Variants in ROBO2 observed in about 807,000 individuals in gnomAD.
ROBO2 encodes the protein roundabout guidance receptor 2.
Under a neutral mutation model 160.8 loss-of-function variants are expected in ROBO2, and 53 were observed. The ratio of observed to expected loss-of-function variants is 0.33; its 90% CI spans 0.26 to 0.41. The LOEUF is 0.41. Among genes scored for constraint, ROBO2 ranks in the 10% least tolerant of loss-of-function variants. ROBO2 has a pLI of 1.00. For synonymous variants in ROBO2, 664 were observed against 611.7 expected, an observed-to-expected ratio of 1.09 and a Z score of -1.26; for missense variants, 1,577 against 1,722.4, an observed-to-expected ratio of 0.92 and a Z score of 1.49.
chr3:77,597,883 C>A (rs146677926), intron 19 of ROBO2, among the ~76,000 whole-genome samples: 1 of 152,040 alleles, frequency 6.6e-6, no homozygotes, highest in Non-Finnish European at 1.5e-5. Flanking sequence ...ACCTTTTAAG[C>A]CACATAGAGA....
chr3:76,123,261 G>A (rs570086713), intron 2 of ROBO2, among the ~76,000 whole-genome samples: 2 of 152,072 alleles, frequency 1.3e-5, no homozygotes, highest in Non-Finnish European at 2.9e-5. Context: ...CATTTTCCGT[G>A]TATTTTTCCC....
chr3:75,993,287 G>A (rs1467143207), intron 2 of ROBO2, among the ~76,000 whole-genome samples: 3 of 152,094 alleles, frequency 2.0e-5, no homozygotes, highest in African/African-American at 4.8e-5. Flanking sequence ...GAATCATGGG[G>A]GTGGATCTTT....
intron 2 of ROBO2, among the ~76,000 whole-genome samples, chr3:76,304,255 G>C (rs562649183): frequency 1.3e-5 from 2 of 152,328 alleles, no homozygotes; most frequent in African/African-American, 4.8e-5. Flanking sequence ...GAGCTAGAAA[G>C]GATGTATACG....
intron 2 of ROBO2, among the ~76,000 whole-genome samples, chr3:77,296,387 A>C (rs1433517807): frequency 1.3e-5 from 2 of 152,174 alleles, no homozygotes; most frequent in East Asian, 3.9e-4. Context: ...CACTGAGGCT[A>C]GATCACCAAA....
intron 2 of ROBO2, among the ~76,000 whole-genome samples, chr3:77,267,733 A>G (rs542266970): frequency 1.8e-4 from 27 of 152,240 alleles, no homozygotes; most frequent in Non-Finnish European, 3.4e-4. Flanking sequence ...AGTGCATGCA[A>G]TTTGTGAGGG....
At chr3:77,098,102 G>A (rs755914827) in exon 2 of ROBO2, 2 of 1,613,824 alleles carry the variant, frequency 1.2e-6, no homozygotes, top group South Asian at 2.2e-5. Context: ...CCACGACTCT[G>A]AACTGCAAGG....
chr3:76,536,015 T>G (rs2082478404), intron 2 of ROBO2, among the ~76,000 whole-genome samples: 1 of 152,126 alleles, frequency 6.6e-6, no homozygotes, highest in Non-Finnish European at 1.5e-5. Flanking sequence ...GGTGGTCTGA[T>G]TTCCAGTGGG....
rs57475227 is a variant in ROBO2, at chr3:77,433,486, G to GTATATATATATATA, written c.389-43908_389-43895dup. ...GATTTTCCTTCTTCTCTGGCAACTT[G>GTATATATATATATA]TATATATATATATATATATATATAT... is the stretch of plus-strand genomic sequence containing the variant. On this transcript the variant is annotated intron_variant, in intron 2 of 25. Transcript: ENST00000461745. Among the ~76,000 whole-genome samples the GTATATATATATATA allele has an allele frequency of 9.0e-4, 89 of 99,394 alleles. 1 individual carries two copies. The highest frequency in any genetic ancestry group is 2.6e-3 in the African/African-American group (73 of 28,360). The allele number at this position is 99,394 out of a possible 152,430, so 65.2% of individuals were successfully genotyped here.
chr3:76,628,359 G>T (rs944102937), intron 2 of ROBO2, among the ~76,000 whole-genome samples: 8 of 151,468 alleles, frequency 5.3e-5, no homozygotes, highest in African/African-American at 1.7e-4. Flanking sequence ...CAAACTCCTA[G>T]GCTCAAGTGA....
intron 2 of ROBO2, among the ~76,000 whole-genome samples, chr3:76,938,749 C>A (rs985193358): frequency 1.3e-5 from 2 of 151,998 alleles, no homozygotes; most frequent in African/African-American, 2.4e-5. Flanking sequence ...GCGGGTGGAT[C>A]CCCTGAGGTC....
At chr3:76,649,052 C>G (rs1449534842) in intron 2 of ROBO2, among the ~76,000 whole-genome samples, 1 of 151,916 alleles carries the variant, frequency 6.6e-6, no homozygotes, top group East Asian at 1.9e-4. Flanking sequence ...CAGATATTGA[C>G]TTGATTTCAA....
chr3:76,830,975 G>A (rs1311800390), intron 2 of ROBO2, among the ~76,000 whole-genome samples: 1 of 152,028 alleles, frequency 6.6e-6, no homozygotes, highest in Non-Finnish European at 1.5e-5. Context: ...GGTGCACAGT[G>A]AGACCCTGTT....
intron 1 of ROBO2, among the ~76,000 whole-genome samples, chr3:75,908,434 G>C (rs1008538814): frequency 1.5e-5 from 2 of 131,366 alleles, no homozygotes; most frequent in African/African-American, 5.7e-5. Flanking sequence ...GGAGAAAAGT[G>C]ATATTCCATT....
At chr3:76,058,647 T>A (rs2067947581) in intron 2 of ROBO2, among the ~76,000 whole-genome samples, 1 of 141,012 alleles carries the variant, frequency 7.1e-6, no homozygotes, top group Non-Finnish European at 1.5e-5. Flanking sequence ...TTCCTTGCCT[T>A]TTTTTTTAAT....
At chr3:76,380,560 C>CTAATAAT (rs1245487753) in intron 2 of ROBO2, among the ~76,000 whole-genome samples, 1 of 152,004 alleles carries the variant, frequency 6.6e-6, no homozygotes, top group Non-Finnish European at 1.5e-5. Flanking sequence ...TATGGTTTTC[C>CTAATAAT]TAATAACATT....
At chr3:77,285,285 G>T (rs1352549404) in intron 2 of ROBO2, among the ~76,000 whole-genome samples, 2 of 152,070 alleles carry the variant, frequency 1.3e-5, no homozygotes, top group Admixed American at 6.6e-5. Flanking sequence ...CACTGTAGGT[G>T]TAAAATGCTT....
At chr3:76,385,893 C>T (rs1039345379) in intron 2 of ROBO2, among the ~76,000 whole-genome samples, 9 of 152,044 alleles carry the variant, frequency 5.9e-5, no homozygotes, top group African/African-American at 2.2e-4. Context: ...AACTTCTTGT[C>T]ATAAAGATAT....
intron 2 of ROBO2, among the ~76,000 whole-genome samples, chr3:76,109,018 G>A (rs943463935): frequency 2.6e-5 from 4 of 151,094 alleles, no homozygotes; most frequent in African/African-American, 9.7e-5. Flanking sequence ...ATCTTTTTTC[G>A]CAAGTAATAT....
intron 2 of ROBO2, among the ~76,000 whole-genome samples, chr3:76,289,844 G>C (rs1708716063): frequency 6.6e-6 from 1 of 152,106 alleles, no homozygotes; most frequent in African/African-American, 2.4e-5. Context: ...TGTTCCATTA[G>C]TCAATGTGTC....
Sources: allele counts gnomAD v4.1 joint callset (sites outside exome capture counted in the v4.1 genomes callset), GRCh38; gene constraint gnomAD v4.1.1; transcripts MANE v1.5; gene names NCBI Gene and HGNC (gene_info 2026-07-23, HGNC 2026-07-21).